Variants in SMCO2 observed in about 807,000 individuals in gnomAD.
SMCO2 encodes the protein single-pass membrane and coiled-coil domain-containing protein 2.
SMCO2 carries 25 observed loss-of-function variants against 29.5 expected under a neutral mutation model. That is an observed-to-expected ratio of 0.85 (90% CI 0.62 to 1.18). SMCO2 has a LOEUF of 1.18. Ranked by LOEUF, SMCO2 falls within the 50% of genes most tolerant of loss-of-function variation. The pLI is 0.00. For missense variants in SMCO2, 348 were observed against 344.5 expected (o/e 1.01, Z -0.08); for synonymous variants, 117 against 123.3 (o/e 0.95, Z 0.34).
chr12:27,452,758 G>A, the SMCO2 span, among the ~76,000 whole-genome samples: 1 of 152,118 alleles, frequency 6.6e-6, no homozygotes, highest in Non-Finnish European at 1.5e-5. Context: ...AAAGTGCTGG[G>A]ATTACAGATA....
intron 1 of SMCO2, among the ~76,000 whole-genome samples, chr12:27,468,121 C>T (rs1295100868): frequency 6.6e-6 from 1 of 152,066 alleles, no homozygotes; most frequent in Non-Finnish European, 1.5e-5. Flanking sequence ...AAAAGTGAGG[C>T]CCCCAGACAA....
chr12:27,498,283 A>T (rs1943035711), intron 7 of SMCO2: 1 of 233,772 alleles, frequency 4.3e-6, no homozygotes, highest in Admixed American at 4.1e-5. Flanking sequence ...TGCTCCAAAA[A>T]GCTGCTTGAC....
the SMCO2 span, among the ~76,000 whole-genome samples, chr12:27,438,833 C>A: frequency 7.2e-6 from 1 of 139,058 alleles, no homozygotes; most frequent in South Asian, 2.3e-4. Flanking sequence ...TCACCAGCAA[C>A]AAACCAGAGC....
chr12:27,472,428 GT>G (rs1473919662), intron 2 of SMCO2, among the ~76,000 whole-genome samples: 2 of 151,996 alleles, frequency 1.3e-5, no homozygotes, highest in Non-Finnish European at 2.9e-5. Flanking sequence ...ACCACATAAG[GT>G]TTTTAAACTC....
At chr12:27,488,080 A>C (rs1949704652) in intron 4 of SMCO2, among the ~76,000 whole-genome samples, 1 of 151,964 alleles carries the variant, frequency 6.6e-6, no homozygotes, top group Non-Finnish European at 1.5e-5. Context: ...TTAAGGTTTT[A>C]ATTTTGATGA....
upstream of SMCO2, among the ~76,000 whole-genome samples, chr12:27,462,563 G>A (rs139487079): frequency 6.6e-6 from 1 of 152,128 alleles, no homozygotes; most frequent in Admixed American, 6.5e-5. Context: ...GTACAATAAA[G>A]CCACTGCATA....
At chr12:27,469,862 T>C (rs937826231) in intron 1 of SMCO2, among the ~76,000 whole-genome samples, 2 of 152,218 alleles carry the variant, frequency 1.3e-5, no homozygotes, top group Non-Finnish European at 2.9e-5. Context: ...AACACCCGCC[T>C]ATCAGACTGG....
At chr12:27,463,843 AAAG>A (rs1213387525), upstream of SMCO2, among the ~76,000 whole-genome samples, 7 of 152,248 alleles carry the variant, frequency 4.6e-5, no homozygotes, top group African/African-American at 9.6e-5. Context: ...TCTTTATTAA[AAAG>A]AAGGAGAGAG....
chr12:27,474,696 C>T (rs1207617608), intron 3 of SMCO2, 90 bp from the exon 4 acceptor site: 40 of 1,467,360 alleles, frequency 2.7e-5, no homozygotes, highest in Non-Finnish European at 3.7e-5. Context: ...TGCTTGACCC[C>T]AGCAAAGGGG....
chr12:27,431,301 C>G, the SMCO2 span, among the ~76,000 whole-genome samples: 1 of 152,164 alleles, frequency 6.6e-6, no homozygotes, highest in Non-Finnish European at 1.5e-5. Flanking sequence ...AGCTACTGCA[C>G]CTGGCCTCAA....
At chr12:27,451,896 C>G in the SMCO2 span, among the ~76,000 whole-genome samples, 2 of 152,202 alleles carry the variant, frequency 1.3e-5, no homozygotes, top group Non-Finnish European at 2.9e-5. Context: ...CCTCCTGGGC[C>G]TGTCTTCCTG....
intron 4 of SMCO2, among the ~76,000 whole-genome samples, chr12:27,484,434 T>A (rs1283517322): frequency 1.3e-5 from 2 of 152,090 alleles, no homozygotes; most frequent in South Asian, 2.1e-4. Flanking sequence ...TGGGGATGTG[T>A]TCTTTTAGCT....
At chr12:27,444,047 G>A in the SMCO2 span, among the ~76,000 whole-genome samples, 3 of 152,090 alleles carry the variant, frequency 2.0e-5, no homozygotes, top group East Asian at 1.9e-4. Context: ...AAAGCTGGAG[G>A]CATCACGCTA....
chr12:27,457,373 A>G, the SMCO2 span, among the ~76,000 whole-genome samples: 2 of 152,192 alleles, frequency 1.3e-5, no homozygotes, highest in East Asian at 1.9e-4. Context: ...GTAGCCAGCC[A>G]TGGTAGATCA....
chr12:27,477,176 T>C (rs1001056941), intron 4 of SMCO2, among the ~76,000 whole-genome samples: 15 of 151,520 alleles, frequency 9.9e-5, no homozygotes, highest in Non-Finnish European at 2.1e-4. Context: ...TGTTGAAAGA[T>C]AGTTTTGCTG....
the SMCO2 span, among the ~76,000 whole-genome samples, chr12:27,452,179 CT>C: frequency 9.4e-4 from 143 of 152,246 alleles, no homozygotes; most frequent in Admixed American, 2.0e-3. Context: ...AGGCTCACTT[CT>C]TTTTTGTATA....
chr12:27,456,087 T>C, the SMCO2 span, among the ~76,000 whole-genome samples: 3 of 152,286 alleles, frequency 2.0e-5, no homozygotes, highest in Non-Finnish European at 2.9e-5. Context: ...TGGTGGCCCA[T>C]GCCTGTAATC....
chr12:27,454,107 C>G, the SMCO2 span, among the ~76,000 whole-genome samples: 1 of 152,140 alleles, frequency 6.6e-6, no homozygotes, highest in Non-Finnish European at 1.5e-5. Flanking sequence ...ACCTCAGCTT[C>G]CCGAGTAGCT....
the SMCO2 span, among the ~76,000 whole-genome samples, chr12:27,438,511 A>G: frequency 1.3e-5 from 2 of 152,002 alleles, no homozygotes; most frequent in Admixed American, 1.3e-4. Context: ...CTTTTCCTCT[A>G]TTGTCCTTAT....
Sources: gnomAD v4.1 joint callset for allele counts (sites outside exome capture counted in the v4.1 genomes callset) on GRCh38, gnomAD v4.1.1 for gene constraint, MANE v1.5 for transcripts, NCBI Gene and HGNC (gene_info 2026-07-23, HGNC 2026-07-21) for gene names.